Variants in ERC2 observed in about 807,000 individuals in gnomAD.
ERC2 encodes the protein ERC protein 2.
A neutral mutation model predicts 114.8 loss-of-function variants in ERC2; 42 were observed. The ratio of observed to expected loss-of-function variants is 0.37; its 90% confidence interval spans 0.29 to 0.47. ERC2 has a LOEUF of 0.47. Ranked by LOEUF, ERC2 falls within the 20% of genes least tolerant of loss-of-function variation. The pLI is 0.99. For synonymous variants in ERC2, 454 were observed against 425.5 expected (o/e 1.07, Z -0.82); for missense variants, 939 against 1,150.7 (o/e 0.82, Z 2.66).
At chr3:56,355,323 TTTC>T (rs1047789094) in intron 2 of ERC2, among the ~76,000 whole-genome samples, 17 of 140,576 alleles carry the variant, frequency 1.2e-4, no homozygotes, top group Middle Eastern at 3.6e-3. Flanking sequence ...TTCTTTTTTC[TTTC>T]TTTTTTTTTT....
intron 13 of ERC2, 65 bp downstream of exon 13, chr3:55,950,360 G>A (rs2067413823): frequency 3.8e-6 from 6 of 1,584,882 alleles, no homozygotes; most frequent in Non-Finnish European, 5.2e-6. Flanking sequence ...TGGCACCAAT[G>A]GTGACATTTC....
intron 3 of ERC2, among the ~76,000 whole-genome samples, chr3:56,245,989 C>T (rs2051671980): frequency 6.6e-6 from 1 of 151,540 alleles, no homozygotes; most frequent in Admixed American, 6.6e-5. Context: ...AAGATTAGTC[C>T]ACCAGCTTTT....
intron 2 of ERC2, among the ~76,000 whole-genome samples, chr3:56,347,562 T>C (rs989316205): frequency 1.3e-5 from 2 of 152,070 alleles, no homozygotes; most frequent in Non-Finnish European, 2.9e-5. Flanking sequence ...CAGTTCTTTC[T>C]GGAACCAGCC....
At chr3:56,386,540 T>G (rs1033393360) in intron 2 of ERC2, among the ~76,000 whole-genome samples, 2 of 152,270 alleles carry the variant, frequency 1.3e-5, no homozygotes, top group Admixed American at 6.5e-5. Context: ...GCAGTTGGAT[T>G]TTGTTGTCTT....
At chr3:55,799,738 C>T (rs751684326) in intron 14 of ERC2, among the ~76,000 whole-genome samples, 16 of 151,986 alleles carry the variant, frequency 1.1e-4, no homozygotes, top group Admixed American at 2.0e-4. Flanking sequence ...GCCCCTCTCA[C>T]GAAAACACCT....
intron 17 of ERC2, among the ~76,000 whole-genome samples, chr3:55,576,023 A>G (rs2056961998): frequency 6.6e-6 from 1 of 152,186 alleles, no homozygotes; most frequent in African/African-American, 2.4e-5. Flanking sequence ...AAAATTCTCC[A>G]AAATAGGTTG....
chr3:56,225,022 C>T (rs1026534251), intron 3 of ERC2, among the ~76,000 whole-genome samples: 2 of 152,050 alleles, frequency 1.3e-5, no homozygotes, highest in Non-Finnish European at 2.9e-5. Context: ...CCCTTGTTCC[C>T]CCTGTCCATG....
chr3:56,344,317 C>CCCT (rs919980951), intron 2 of ERC2, among the ~76,000 whole-genome samples: 4 of 152,154 alleles, frequency 2.6e-5, no homozygotes, highest in East Asian at 1.9e-4. Context: ...CAAACACCTT[C>CCCT]CCTCCTCCTC....
intron 14 of ERC2, among the ~76,000 whole-genome samples, chr3:55,804,614 T>A (rs2059423852): frequency 6.6e-6 from 1 of 152,142 alleles, no homozygotes; most frequent in Admixed American, 6.5e-5. Flanking sequence ...TAAGAAGAAC[T>A]GACAGAGCCA....
chr3:55,551,574 C>T (rs1463851587), intron 17 of ERC2, among the ~76,000 whole-genome samples: 1 of 152,022 alleles, frequency 6.6e-6, no homozygotes, highest in Non-Finnish European at 1.5e-5. Flanking sequence ...AATTGGCTCA[C>T]GTGTTTAGAG....
intron 5 of ERC2, among the ~76,000 whole-genome samples, chr3:56,144,870 T>A (rs898488286): frequency 1.3e-5 from 2 of 152,156 alleles, no homozygotes; most frequent in Admixed American, 1.3e-4. Flanking sequence ...TATTCTCCCA[T>A]AAAAATATCC....
chr3:55,837,305 G>A (rs1288407740), intron 14 of ERC2, among the ~76,000 whole-genome samples: 1 of 152,118 alleles, frequency 6.6e-6, no homozygotes, highest in South Asian at 2.1e-4. Context: ...ACGTGCACAT[G>A]TATGTTTATT....
chr3:56,050,060 C>G lies in ERC2; in HGVS notation c.1641+30757G>C, dbSNP rs184140328. ...ATCAGTGGTTGCCAGGGCACTGAGGCTGACTGCAAAGGGGCATGAGGGAAT... is the reference window on the plus strand; with the variant it reads ...ATCAGTGGTTGCCAGGGCACTGAGGGTGACTGCAAAGGGGCATGAGGGAAT... On this transcript the variant is annotated intron_variant, in intron 7 of 17. Coordinates refer to ENST00000288221, the MANE Select transcript of ERC2 (RefSeq NM_015576.3). Among the ~76,000 whole-genome samples the G allele has an allele frequency of 4.0e-3, 605 of 152,204 alleles. 5 individuals are homozygous for G. Among genetic ancestry groups the G allele is most frequent in the Non-Finnish European group, 5.4e-3 (368 of 68,002 alleles).
At chr3:55,875,676 G>T (rs1376443605) in intron 14 of ERC2, among the ~76,000 whole-genome samples, 4 of 148,018 alleles carry the variant, frequency 2.7e-5, no homozygotes, top group Non-Finnish European at 5.9e-5. Flanking sequence ...CTCTTTTTCT[G>T]CCCCTAAACT....
At chr3:56,218,936 C>A (rs889041250) in intron 3 of ERC2, among the ~76,000 whole-genome samples, 5 of 151,894 alleles carry the variant, frequency 3.3e-5, no homozygotes, top group African/African-American at 1.2e-4. Context: ...GGGAACTGAA[C>A]AATGAGAACA....
chr3:55,548,225 C>G (rs927771542), intron 17 of ERC2, among the ~76,000 whole-genome samples: 4 of 152,212 alleles, frequency 2.6e-5, no homozygotes. Flanking sequence ...CTAGTCCTCC[C>G]AAAACATGCC....
At chr3:56,015,860 C>G (rs1449455685) in intron 8 of ERC2, among the ~76,000 whole-genome samples, 1 of 152,176 alleles carries the variant, frequency 6.6e-6, no homozygotes, top group Non-Finnish European at 1.5e-5. Flanking sequence ...CCCAGCCTCA[C>G]CAGCATCTGT....
chr3:55,595,655 G>A (rs1210075420), intron 17 of ERC2, among the ~76,000 whole-genome samples: 7 of 152,174 alleles, frequency 4.6e-5, no homozygotes, highest in Admixed American at 3.9e-4. Context: ...GAAAATGTCA[G>A]TGTTTTATGC....
rs1477006875 is a variant in ERC2, at chr3:55,508,680, A to G, written c.*2636T>C. The G allele has an allele frequency of 6.6e-6, 1 of 152,584 alleles. No homozygotes were observed. The highest frequency in any genetic ancestry group is 1.5e-5 in the Non-Finnish European group (1 of 68,030). The allele number at this position is 152,584 out of a possible 1,614,324, so 9.5% of individuals were successfully genotyped here. A position where few individuals can be genotyped will look rare whatever the true frequency, so the allele number is the denominator to read the frequency against. On this transcript the variant is annotated 3_prime_UTR_variant, in exon 18 of 18. Transcript: ENST00000288221. Reference sequence around the variant, plus strand: ...CATTGCAGATAGAGCTTACGTCAACACATCTGAGGTCTCGTCATAAACACT... The same window carrying G: ...CATTGCAGATAGAGCTTACGTCAACGCATCTGAGGTCTCGTCATAAACACT...
Sources: allele counts gnomAD v4.1 joint callset (sites outside exome capture counted in the v4.1 genomes callset), GRCh38; gene constraint gnomAD v4.1.1; transcripts MANE v1.5; gene names NCBI Gene and HGNC (gene_info 2026-07-23, HGNC 2026-07-21).